Variants in TBC1D30 observed in about 807,000 individuals in gnomAD.
TBC1D30 encodes TBC1 domain family member 30.
TBC1D30 carries 31 observed loss-of-function variants against 63.2 expected under a neutral mutation model. The observed-to-expected ratio is 0.49, with a 90% CI of 0.37 to 0.66. TBC1D30 has a LOEUF of 0.66. Among genes scored for constraint, TBC1D30 ranks in the 30% least tolerant of loss-of-function variants. The pLI, the probability that TBC1D30 is intolerant of heterozygous loss-of-function variation, is 0.00. For missense variants in TBC1D30, 810 were observed against 953.6 expected (o/e 0.85, Z 1.98); for synonymous variants, 307 against 361.5 (o/e 0.85, Z 1.71).
At chr12:64,825,302 T>C in intron 1 of TBC1D30, 1 of 415,416 alleles carries the variant, frequency 2.4e-6, no homozygotes, top group Non-Finnish European at 4.2e-6. Context: ...CTGCGGCCTG[T>C]GTGCTCGGCT....
intron 7 of TBC1D30, among the ~76,000 whole-genome samples, chr12:64,842,541 C>G (rs1875971245): frequency 6.6e-6 from 1 of 152,104 alleles, no homozygotes; most frequent in Non-Finnish European, 1.5e-5. Context: ...GGTGTAATCT[C>G]CAACTAGCAG....
At chr12:64,824,359 G>T (rs564961638), upstream of TBC1D30, among the ~76,000 whole-genome samples, 4 of 152,336 alleles carry the variant, frequency 2.6e-5, no homozygotes, top group African/African-American at 9.6e-5. Flanking sequence ...GAGGATGCTT[G>T]CCCTTACGGG....
intron 2 of TBC1D30, among the ~76,000 whole-genome samples, chr12:64,791,951 T>C (rs1211256307): frequency 6.6e-6 from 1 of 152,158 alleles, no homozygotes; most frequent in East Asian, 1.9e-4. Flanking sequence ...TATCTTCTGT[T>C]TCTTCTTGTG....
Position 64,878,439 on chromosome 12 carries a change from G to A in TBC1D30, c.*2651G>A, listed in dbSNP as rs17100764. On this transcript the variant is annotated 3_prime_UTR_variant, in exon 12 of 12. Coordinates refer to ENST00000539867, the MANE Select transcript of TBC1D30 (RefSeq NM_015279.2). Reference sequence around the variant, plus strand: ...TCTGTAGCCTCTTAGCCCTTTTGCCGGGAATCAACTCATTCTGATGCCTCT... The same window carrying A: ...TCTGTAGCCTCTTAGCCCTTTTGCCAGGAATCAACTCATTCTGATGCCTCT... 2,345 of 456,566 alleles carry A rather than the reference G, an allele frequency of 5.1e-3. 45 individuals are homozygous for A. The highest frequency in any genetic ancestry group is 0.043 in the African/African-American group (2,149 of 50,116). The allele number at this position is 456,566 out of a possible 1,614,324, so 28.3% of individuals were successfully genotyped here.
At chr12:64,824,014 T>C (rs890782866), upstream of TBC1D30, among the ~76,000 whole-genome samples, 4 of 151,730 alleles carry the variant, frequency 2.6e-5, no homozygotes, top group African/African-American at 9.7e-5. Context: ...CCACACCCTT[T>C]CTTTCATCCA....
At position 64,878,710 on chromosome 12, in the gene TBC1D30, C is replaced by T; in HGVS notation, c.*2922C>T. The T allele has an allele frequency of 2.7e-6, 1 of 367,340 alleles. No homozygotes were observed. The highest frequency in any genetic ancestry group is 2.1e-5 in the South Asian group (1 of 48,650). 22.8% of individuals were successfully genotyped at this position (367,340 alleles called of 1,614,324 possible). ...TTCTCCCTTCTTCCTTCTTCCTTCA[C>T]CCCCAACCCCAGACCCCCCTTGGTC... On this transcript the variant is annotated 3_prime_UTR_variant, in exon 12 of 12. Transcript: ENST00000539867.
chr12:64,789,103 C>G (rs1042249579), intron 2 of TBC1D30, among the ~76,000 whole-genome samples: 2 of 152,012 alleles, frequency 1.3e-5, no homozygotes, highest in Non-Finnish European at 2.9e-5. Context: ...CAGATAATCC[C>G]CATTTTGGCC....
chr12:64,788,823 A>G (rs1871748795), intron 2 of TBC1D30, among the ~76,000 whole-genome samples: 1 of 152,178 alleles, frequency 6.6e-6, no homozygotes, highest in Non-Finnish European at 1.5e-5. Context: ...TTTGGTAAGA[A>G]ATAACTGCAT....
chr12:64,847,817 A>G (rs1048156570), intron 8 of TBC1D30, among the ~76,000 whole-genome samples: 2 of 152,158 alleles, frequency 1.3e-5, no homozygotes, highest in African/African-American at 4.8e-5. Context: ...TATCCTTGAG[A>G]ACGATCCATA....
intron 2 of TBC1D30, among the ~76,000 whole-genome samples, chr12:64,797,028 C>CAAAAA (rs552416081): frequency 8.0e-5 from 6 of 75,122 alleles, no homozygotes; most frequent in African/African-American, 1.1e-4. Flanking sequence ...TTCTCCTCTG[C>CAAAAA]AAAAAAAAAA....
intron 2 of TBC1D30, among the ~76,000 whole-genome samples, chr12:64,789,860 G>A (rs1459663675): frequency 6.6e-6 from 1 of 152,202 alleles, no homozygotes; most frequent in African/African-American, 2.4e-5. Flanking sequence ...AAGAGCAGCA[G>A]CAGCTGTTAC....
intron 1 of TBC1D30, chr12:64,768,345 TTTTTC>T (rs1870792324): frequency 6.6e-6 from 1 of 151,474 alleles, no homozygotes; most frequent in African/African-American, 2.5e-5. Context: ...ATTCAATTGT[TTTTTC>T]TTTTAAACAG....
rs1187735751 is a variant in TBC1D30, at chr12:64,843,268, T to C, written c.933-112T>C. 3.2e-6 allele frequency: 3 copies of C among 929,824 alleles called. No individual in the cohort carries two copies. The Admixed American group carries it at 6.7e-5, about 21-fold the overall frequency. The allele number at this position is 929,824 out of a possible 1,614,324, so 57.6% of individuals were successfully genotyped here. A position where few individuals can be genotyped will look rare whatever the true frequency, so the allele number is the denominator to read the frequency against. The stretch of plus-strand genomic sequence containing the variant: ...CCCCAGCCTCCCAGAGTGCTGGGAT[T>C]ATAGGCATGAGCCACCATGCCCAGT... On this transcript the variant is annotated intron_variant, in intron 7 of 11. Coordinates refer to ENST00000539867, the MANE Select transcript of TBC1D30 (RefSeq NM_015279.2).
intron 2 of TBC1D30, among the ~76,000 whole-genome samples, chr12:64,792,618 G>A (rs957539947): frequency 6.6e-6 from 1 of 152,132 alleles, no homozygotes; most frequent in Non-Finnish European, 1.5e-5. Flanking sequence ...TGCCCAGGCC[G>A]GAGTGCAGTG....
intron 8 of TBC1D30, among the ~76,000 whole-genome samples, chr12:64,846,095 T>G (rs1876355124): frequency 6.6e-6 from 1 of 151,634 alleles, no homozygotes; most frequent in Non-Finnish European, 1.5e-5. Flanking sequence ...AATATTCTGG[T>G]TATTAATCCC....
chr12:64,870,924 C>T, intron 11 of TBC1D30, 116 bp downstream of exon 11: 4 of 956,212 alleles, frequency 4.2e-6, no homozygotes, highest in Non-Finnish European at 6.2e-6. Flanking sequence ...TCCATCAACA[C>T]AGCTGGCATG....
upstream of TBC1D30, among the ~76,000 whole-genome samples, chr12:64,775,749 G>A (rs1396219155): frequency 6.6e-6 from 1 of 152,184 alleles, no homozygotes; most frequent in African/African-American, 2.4e-5. Flanking sequence ...AAGATATTCA[G>A]GACCTGAACT....
chr12:64,800,096 A>T (rs1466889367), intron 2 of TBC1D30, among the ~76,000 whole-genome samples: 1 of 151,928 alleles, frequency 6.6e-6, no homozygotes, highest in Non-Finnish European at 1.5e-5. Context: ...ACAGAGTGAG[A>T]CTCCCTCTCA....
In TBC1D30 at chr12:64,765,490, C is replaced by CAAAAAAAAAA. The variant is rs60489979; in HGVS notation, c.-376+5862_-376+5871dup. Reference sequence around the variant, plus strand: ...CTGGGCGACAGAGCAAGACTGTCTCCAAAAAAAAAAAAAAAAAAAAAAAAA... The same window carrying CAAAAAAAAAA: ...CTGGGCGACAGAGCAAGACTGTCTCCAAAAAAAAAAAAAAAAAAAAAAAAAAAAAAAAAAA... On this transcript the variant is annotated intron_variant, in intron 1 of 13. Transcript: ENST00000674237. Among the ~76,000 whole-genome samples the CAAAAAAAAAA allele has an allele frequency of 3.0e-3, 52 of 17,600 alleles. 9 individuals carry two copies. Among genetic ancestry groups the CAAAAAAAAAA allele is most frequent in the African/African-American group, 6.6e-3 (43 of 6,550 alleles). 11.5% of individuals were successfully genotyped at this position (17,600 alleles called of 152,430 possible). A position where few individuals can be genotyped will look rare whatever the true frequency, so the allele number is the denominator to read the frequency against.
Sources: gnomAD v4.1 joint callset for allele counts (sites outside exome capture counted in the v4.1 genomes callset) on GRCh38, gnomAD v4.1.1 for gene constraint, MANE v1.5 for transcripts, NCBI Gene and HGNC (gene_info 2026-07-23, HGNC 2026-07-21) for gene names.